Variants in ADGRE3 observed in about 807,000 individuals in gnomAD.
The protein encoded by ADGRE3 is adhesion G protein-coupled receptor E3.
In ADGRE3, 88 loss-of-function variants were observed where a neutral mutation model predicts 80.1. That is an observed-to-expected ratio of 1.10 (90% CI 0.93 to 1.31). The LOEUF (loss-of-function observed/expected upper bound fraction) is 1.31, where lower values mean the gene tolerates loss of function less well. Among genes scored for constraint, ADGRE3 ranks in the 40% most tolerant of loss-of-function variants. The pLI is 0.00. For missense variants in ADGRE3, 715 were observed against 776.5 expected, an observed-to-expected ratio of 0.92 and a Z score of 0.94; for synonymous variants, 281 against 294.8, an observed-to-expected ratio of 0.95 and a Z score of 0.48.
chr19:14,606,922 G>T, the ADGRE3 span: 1 of 705,358 alleles, frequency 1.4e-6, no homozygotes, highest in South Asian at 6.6e-5. Flanking sequence ...TGTAGGACAG[G>T]GCACAGGGCA....
At chr19:14,605,529 G>A in the ADGRE3 span, among the ~76,000 whole-genome samples, 7 of 152,154 alleles carry the variant, frequency 4.6e-5, no homozygotes, top group Admixed American at 4.6e-4. Context: ...CTGTGTAACT[G>A]TCAAACTAAC....
chr19:14,661,900 AAAAC>A lies in ADGRE3; in HGVS notation c.355+59_355+62del, dbSNP rs535895020. 1.3e-4 allele frequency: 196 copies of A among 1,560,774 alleles called. 1 individual carries two copies. Among genetic ancestry groups the A allele is most frequent in the Non-Finnish European group, 1.6e-4 (187 of 1,135,850 alleles). On this transcript the variant is annotated intron_variant, in intron 4 of 15. Transcript: ENST00000253673. ...ACTCTGTCTCAAAACAAAACAAAAC[AAAAC>A]AAACAAACAAAAAAACAACAACAGA...
At chr19:14,651,400 A>G (rs150833087) in intron 6 of ADGRE3, among the ~76,000 whole-genome samples, 196 bp from the exon 7 acceptor site, 117 of 152,280 alleles carry the variant, frequency 7.7e-4, no homozygotes, top group Admixed American at 1.8e-3. Flanking sequence ...TGTTCATAGC[A>G]ACATAAATGG....
rs770385837 is a variant in ADGRE3, at chr19:14,641,636, T to C, written c.1051-20A>G. On this transcript the variant is annotated intron_variant, in intron 9 of 15. Coordinates refer to ENST00000253673, the MANE Select transcript of ADGRE3 (RefSeq NM_032571.5). ...CTCCTCCTGGGACCGAGAAAAAAAG[T>C]TCACAGTGATGCTTTCCTGCACTGG... is the stretch of plus-strand genomic sequence containing the variant. 2 of 1,612,716 alleles carry C rather than the reference T, an allele frequency of 1.2e-6. No homozygotes were observed. The highest frequency in any genetic ancestry group is 1.1e-5 in the South Asian group (1 of 90,846).
intron 14 of ADGRE3, among the ~76,000 whole-genome samples, chr19:14,627,333 GT>G (rs1184864120): frequency 6.6e-6 from 1 of 152,044 alleles, no homozygotes; most frequent in Non-Finnish European, 1.5e-5. Context: ...CAAACAATGA[GT>G]GCTTATACTC....
At position 14,622,244 on chromosome 19, in the gene ADGRE3, T is replaced by G; in HGVS notation, c.1921-2773A>C. 2 of 717,190 alleles carry G rather than the reference T, an allele frequency of 2.8e-6. 1 individual carries two copies. The allele number at this position is 717,190 out of a possible 1,614,324, so 44.4% of individuals were successfully genotyped here. ...GTTGCTGGCTTCACAAGTACTAGTA[T>G]AATTTTTAAAATGTTTTATTATTTT... On this transcript the variant is annotated intron_variant, in intron 15 of 15. Transcript: ENST00000253673.
chr19:14,646,257 G>C (rs185899099), intron 8 of ADGRE3, among the ~76,000 whole-genome samples: 1 of 152,044 alleles, frequency 6.6e-6, no homozygotes, highest in Non-Finnish European at 1.5e-5. Context: ...CAAGTAGCTG[G>C]GACTACAGGC....
chr19:14,623,772 C>T (rs190735579), intron 15 of ADGRE3, among the ~76,000 whole-genome samples: 1 of 152,276 alleles, frequency 6.6e-6, no homozygotes, highest in Non-Finnish European at 1.5e-5. Flanking sequence ...CAGTGAGAGT[C>T]TGTGTTAGAT....
At chr19:14,674,498 A>G (rs1225734957) in intron 1 of ADGRE3, among the ~76,000 whole-genome samples, 1 of 143,068 alleles carries the variant, frequency 7.0e-6, no homozygotes, top group Non-Finnish European at 1.5e-5. Flanking sequence ...TTCTGTCTCA[A>G]AAAACAAAAC....
At chr19:14,670,226 A>G (rs895335200) in intron 1 of ADGRE3, among the ~76,000 whole-genome samples, 2 of 152,056 alleles carry the variant, frequency 1.3e-5, no homozygotes, top group African/African-American at 4.8e-5. Flanking sequence ...TTGTCCCTTC[A>G]CCTGTTGTCT....
intron 15 of ADGRE3, among the ~76,000 whole-genome samples, chr19:14,620,263 G>T (rs994908606): frequency 5.3e-5 from 8 of 151,448 alleles, no homozygotes; most frequent in African/African-American, 1.7e-4. Flanking sequence ...TGTTGCCCAG[G>T]CAGGTCTCAA....
intron 13 of ADGRE3, 38 bp from the exon 14 acceptor site, chr19:14,630,245 C>T: frequency 1.9e-6 from 3 of 1,561,988 alleles, no homozygotes; most frequent in Non-Finnish European, 2.6e-6. Flanking sequence ...TGTCAAAAAA[C>T]TAATAATGAG....
intron 1 of ADGRE3, among the ~76,000 whole-genome samples, chr19:14,669,954 C>G (rs1972207143): frequency 6.6e-6 from 1 of 152,090 alleles, no homozygotes; most frequent in South Asian, 2.1e-4. Context: ...TGAAAAATTA[C>G]CTATTCGGTA....
downstream of ADGRE3, among the ~76,000 whole-genome samples, chr19:14,618,130 A>G (rs150850316): frequency 7.8e-3 from 1,185 of 152,264 alleles, 16 homozygotes; most frequent in African/African-American, 0.028. Context: ...ATATAGACAA[A>G]AATATATATA....
At chr19:14,624,757 A>T (rs1970689907) in intron 15 of ADGRE3, among the ~76,000 whole-genome samples, 1 of 137,460 alleles carries the variant, frequency 7.3e-6, no homozygotes, top group South Asian at 2.4e-4. Flanking sequence ...CCTGTCTCTT[A>T]AAAAAAAAAA....
At chr19:14,601,371 G>A in the ADGRE3 span, among the ~76,000 whole-genome samples, 30 of 152,272 alleles carry the variant, frequency 2.0e-4, no homozygotes, top group East Asian at 5.6e-3. Flanking sequence ...TCTCACCTCC[G>A]TGCAACCAGA....
chr19:14,607,544 TA>T, the ADGRE3 span, among the ~76,000 whole-genome samples: 13 of 143,186 alleles, frequency 9.1e-5, no homozygotes, highest in African/African-American at 3.5e-4. Flanking sequence ...TGTTTTATTT[TA>T]TTTTATTATT....
intron 14 of ADGRE3, 29 bp from the exon 15 acceptor site, chr19:14,625,628 G>C (rs1168247075): frequency 6.9e-7 from 1 of 1,458,254 alleles, no homozygotes; most frequent in Non-Finnish European, 9.6e-7. Context: ...TACCTGGATG[G>C]GTTTTGCTAA....
rs535948096 is a variant in ADGRE3 at position 14,650,981 on chromosome 19, G to T, written c.697+104C>A. ...AAAATCTCCAATATCGTAGTTTGAG[G>T]GTAAAAAGCCCATGAGGGGAGAGCC... On this transcript the variant is annotated intron_variant, in intron 7 of 15. Transcript: ENST00000253673. The T allele has an allele frequency of 6.2e-5, 76 of 1,221,396 alleles. No individual in the cohort carries two copies. In the Middle Eastern group the frequency reaches 1.9e-3, roughly 31 times the overall value. 75.7% of individuals were successfully genotyped at this position (1,221,396 alleles called of 1,614,324 possible).
Sources: gnomAD v4.1 joint callset for allele counts (sites outside exome capture counted in the v4.1 genomes callset) on GRCh38, gnomAD v4.1.1 for gene constraint, MANE v1.5 for transcripts, NCBI Gene and HGNC (gene_info 2026-07-23, HGNC 2026-07-21) for gene names.